CRISPLD1: variants seen among roughly 807,000 people sequenced by gnomAD.
CRISPLD1 encodes the protein cysteine rich secretory protein LCCL domain containing 1.
Under a neutral mutation model 77.5 loss-of-function variants are expected in CRISPLD1, and 60 were observed. The ratio of observed to expected loss-of-function variants is 0.77; its 90% CI spans 0.63 to 0.96. The LOEUF (loss-of-function observed/expected upper bound fraction) is 0.96. Among genes scored for constraint, CRISPLD1 ranks in the 40% least tolerant of loss-of-function variants. The pLI, the probability that CRISPLD1 is intolerant of heterozygous loss-of-function variation, is 0.00. For missense variants in CRISPLD1, 623 were observed against 615.8 expected, an observed-to-expected ratio of 1.01 and a Z score of -0.12; for synonymous variants, 195 against 200.1, an observed-to-expected ratio of 0.97 and a Z score of 0.22.
At chr8:75,027,501 G>T (rs1813254280) in intron 13 of CRISPLD1, among the ~76,000 whole-genome samples, 1 of 152,060 alleles carries the variant, frequency 6.6e-6, no homozygotes, top group African/African-American at 2.4e-5. Flanking sequence ...TCATCTATTT[G>T]CTAGAGTTAA....
chr8:74,997,212 T>C (rs968850461), intron 2 of CRISPLD1, among the ~76,000 whole-genome samples: 1 of 152,152 alleles, frequency 6.6e-6, no homozygotes, highest in African/African-American at 2.4e-5. Flanking sequence ...TATTGCTATA[T>C]TCTGTGTGAG....
rs1813048604 is a variant in CRISPLD1, at chr8:75,017,248, GTGGTAAATAGT to G, written c.997-68_997-58del. ...GTTTATTTAATTGAAAGTCACATAA[GTGGTAAATAGT>G]TGGGACTTATGCAGAACTCTAATAT... is the stretch of plus-strand genomic sequence containing the variant. On this transcript the variant is annotated intron_variant, in intron 9 of 14. Coordinates refer to ENST00000262207, the MANE Select transcript of CRISPLD1 (RefSeq NM_031461.6). The G allele has an allele frequency of 2.6e-6, 4 of 1,560,302 alleles. No homozygotes were observed. In the African/African-American group the frequency reaches 5.5e-5, roughly 21 times the overall value.
rs1218290305 is a variant in CRISPLD1 at position 75,020,061 on chromosome 8, C to T, written c.1226C>T (p.Pro409Leu). The change falls in exon 12 of 15, where the codon CCT becomes CTT. Residue 409 changes from proline (P) to leucine (L), a missense_variant. Physicochemically the swap from Pro to Leu is moderately conservative, Grantham distance 98. Coordinates refer to ENST00000262207, the MANE Select transcript of CRISPLD1 (RefSeq NM_031461.6). The part of the protein sequence containing the change: ...TVEQLCPFHK[P>L]ASHCPRVYCP... ...GAACAGCTCTGTCCATTTCATAAGC[C>T]TGCTTCACATTGCCCAAGGTAAACC... is the stretch of plus-strand genomic sequence containing the variant. 1 of 1,614,032 alleles carries T rather than the reference C, an allele frequency of 6.2e-7. No individual in the cohort carries two copies. Among genetic ancestry groups the T allele is most frequent in the Admixed American group, 1.7e-5 (1 of 60,024 alleles).
chr8:75,005,835 A>C (rs1322232764), intron 2 of CRISPLD1, among the ~76,000 whole-genome samples: 6 of 152,216 alleles, frequency 3.9e-5, no homozygotes, highest in Non-Finnish European at 7.4e-5. Context: ...CCTCCAGCCT[A>C]GATCCGGACT....
At chr8:75,019,090 A>T (rs558859450) in intron 10 of CRISPLD1, among the ~76,000 whole-genome samples, 1 of 152,292 alleles carries the variant, frequency 6.6e-6, no homozygotes, top group Admixed American at 6.5e-5. Flanking sequence ...TTGAAACTTG[A>T]AGGCTATATT....
chr8:74,994,609 G>C (rs577541440), intron 2 of CRISPLD1, among the ~76,000 whole-genome samples: 1 of 152,282 alleles, frequency 6.6e-6, no homozygotes, highest in African/African-American at 2.4e-5. Context: ...GGATAGATAC[G>C]CCTGCTGTTT....
At chr8:75,015,067 A>G (rs913474857) in intron 6 of CRISPLD1, among the ~76,000 whole-genome samples, 155 bp downstream of exon 6, 4 of 152,170 alleles carry the variant, frequency 2.6e-5, no homozygotes, top group African/African-American at 7.2e-5. Context: ...TTTTACAAAT[A>G]TTTATATTAC....
rs1031791653 is a variant in CRISPLD1 at position 75,034,166 on chromosome 8, A to C, written c.*1924A>C. 6.6e-6 allele frequency: 1 copy of C among 152,226 alleles called. No homozygotes were observed. Among genetic ancestry groups the C allele is most frequent in the South Asian group, 2.1e-4 (1 of 4,824 alleles). 9.4% of individuals were successfully genotyped at this position (152,226 alleles called of 1,614,324 possible). ...TTCCATGAGTTTTCATTGCTGAAGAAAAACCAAACATTCTTGTAAAAACAT... is the reference window on the plus strand; with the variant it reads ...TTCCATGAGTTTTCATTGCTGAAGACAAACCAAACATTCTTGTAAAAACAT... On this transcript the variant is annotated 3_prime_UTR_variant, in exon 15 of 15. Transcript: ENST00000262207.
chr8:75,021,606 TC>T lies in CRISPLD1; in HGVS notation c.1244+1528del, dbSNP rs1460305374. Among the ~76,000 whole-genome samples, 9 of 152,290 alleles carry T rather than the reference TC, an allele frequency of 5.9e-5. No homozygotes were observed. The East Asian group carries it at 1.7e-3, about 29-fold the overall frequency. ...GAATATTTTTGTGATAAAAATACAA[TC>T]TCCTGTTACTAGAGCTTGACTAATT... On this transcript the variant is annotated intron_variant, in intron 12 of 14. Coordinates refer to ENST00000262207, the MANE Select transcript of CRISPLD1 (RefSeq NM_031461.6).
intron 2 of CRISPLD1, among the ~76,000 whole-genome samples, chr8:75,011,449 T>C (rs1191208191): frequency 6.6e-6 from 1 of 151,994 alleles, no homozygotes; most frequent in Non-Finnish European, 1.5e-5. Context: ...AGATTTGTTT[T>C]CCCGTTTTCG....
intron 4 of CRISPLD1, 128 bp downstream of exon 4, chr8:75,013,150 T>G (rs751578520): frequency 7.6e-6 from 5 of 661,584 alleles, no homozygotes; most frequent in Non-Finnish European, 1.1e-5. Flanking sequence ...GGATATTGAT[T>G]ATGTTGAATT....
At chr8:75,017,209 T>G in intron 9 of CRISPLD1, 96 bp downstream of exon 9, 1 of 1,520,618 alleles carries the variant, frequency 6.6e-7, no homozygotes, top group Non-Finnish European at 9.0e-7. Context: ...AGTATAGATA[T>G]TTTGCTCAGA....
intron 6 of CRISPLD1, 129 bp downstream of exon 6, chr8:75,015,041 ATATTTTGAAGAAAT>A (rs1813004574): frequency 2.1e-6 from 1 of 467,550 alleles, no homozygotes; most frequent in Non-Finnish European, 3.8e-6. Flanking sequence ...TCTATTTCAA[ATATTTTGAAGAAAT>A]CTTTTACAAA....
Position 75,025,570 on chromosome 8 carries a change from G to A in CRISPLD1, c.1269G>A (p.Met423Ile). 1 of 1,582,148 alleles carries A rather than the reference G, an allele frequency of 6.3e-7. No individual in the cohort carries two copies. The highest frequency in any genetic ancestry group is 8.7e-7 in the Non-Finnish European group (1 of 1,153,858). The change falls in exon 13 of 15, where the codon ATG becomes ATA. Residue 423 changes from methionine (M) to isoleucine (I), a missense_variant. By Grantham distance (10) the Met-to-Ile change is conservative. Coordinates refer to ENST00000262207, the MANE Select transcript of CRISPLD1 (RefSeq NM_031461.6). ...GAGTATACTGTCCTCGTAACTGTAT[G>A]CAAGCAAATCCACATTATGCTCGTG... ...CPRVYCPRNC[M>I]QANPHYARVI...
chr8:75,013,898 C>A, intron 4 of CRISPLD1, 89 bp from the exon 5 acceptor site: 1 of 843,550 alleles, frequency 1.2e-6, no homozygotes, highest in Non-Finnish European at 2.0e-6. Flanking sequence ...TGGCTTCTCA[C>A]ATTCAAATTT....
At chr8:74,994,818 A>G (rs906352390) in intron 2 of CRISPLD1, among the ~76,000 whole-genome samples, 6 of 152,124 alleles carry the variant, frequency 3.9e-5, no homozygotes, top group African/African-American at 9.7e-5. Context: ...GATTTTGCAT[A>G]TGGGGTATAG....
intron 2 of CRISPLD1, among the ~76,000 whole-genome samples, chr8:74,990,775 A>G (rs1160135354): frequency 6.9e-6 from 1 of 145,776 alleles, no homozygotes; most frequent in Non-Finnish European, 1.5e-5. Flanking sequence ...AAACATACAA[A>G]AAAAAAAAAA....
In CRISPLD1 at chr8:75,032,181, T is replaced by A; in HGVS notation, c.1452-10T>A. On this transcript the variant is annotated splice_polypyrimidine_tract_variant and intron_variant, in intron 14 of 14. Coordinates refer to ENST00000262207, the MANE Select transcript of CRISPLD1 (RefSeq NM_031461.6). ...TCAATATACTTTTCATATATTTTTT[T>A]TTTTTGCAGTTTACAGAATCCTCCA... The A allele has an allele frequency of 6.3e-7, 1 of 1,591,918 alleles. No homozygotes were observed. Among genetic ancestry groups the A allele is most frequent in the South Asian group, 1.1e-5 (1 of 88,548 alleles).
At chr8:75,025,505 C>T (rs753717502) in intron 12 of CRISPLD1, 41 bp from the exon 13 acceptor site, 3 of 808,282 alleles carry the variant, frequency 3.7e-6, no homozygotes, top group Non-Finnish European at 5.3e-6. Context: ...ACTTAAGTAA[C>T]CAGCTTACTT....
Sources: allele counts gnomAD v4.1 joint callset (sites outside exome capture counted in the v4.1 genomes callset), GRCh38; gene constraint gnomAD v4.1.1; transcripts MANE v1.5; gene names NCBI Gene and HGNC (gene_info 2026-07-23, HGNC 2026-07-21).